Variants in NECTIN1 observed in about 807,000 individuals in gnomAD.
NECTIN1 encodes the protein nectin cell adhesion molecule 1, also known as nectin-1.
Under a neutral mutation model 48.0 loss-of-function variants are expected in NECTIN1, and 23 were observed. The observed-to-expected ratio is 0.48, with a 90% confidence interval of 0.34 to 0.68. The LOEUF (loss-of-function observed/expected upper bound fraction) is 0.68, where lower values mean the gene tolerates loss of function less well. Ranked by LOEUF, NECTIN1 falls within the 30% of genes least tolerant of loss-of-function variation. The probability of loss-of-function intolerance (pLI) is 0.01; values close to 1 mark genes in which losing one functional copy is unlikely to be tolerated. For synonymous variants in NECTIN1, 270 were observed against 288.9 expected (o/e 0.93, Z 0.66); for missense variants, 591 against 709.9 (o/e 0.83, Z 1.90).
chr11:119,712,733 G>A (rs1381937907), intron 1 of NECTIN1, among the ~76,000 whole-genome samples: 1 of 152,190 alleles, frequency 6.6e-6, no homozygotes, highest in Non-Finnish European at 1.5e-5. Context: ...TTTAACGGAA[G>A]CATCCCGGAG....
chr11:119,664,646 G>A lies in NECTIN1; in HGVS notation c.*101C>T, dbSNP rs952810710. 29 of 1,446,468 alleles carry A rather than the reference G, an allele frequency of 2.0e-5. No individual in the cohort carries two copies. The highest frequency in any genetic ancestry group is 2.5e-5 in the Non-Finnish European group (27 of 1,097,718). The allele number at this position is 1,446,468 out of a possible 1,614,324, so 89.6% of individuals were successfully genotyped here. On this transcript the variant is annotated 3_prime_UTR_variant, in exon 6 of 6. Transcript: ENST00000264025. ...GGGCTGGCTTTGGGCAGCTGGGCAA[G>A]TCTCTGTTCAGCTCCTGGAGTGGGA...
At chr11:119,721,151 A>T (rs778196496) in intron 1 of NECTIN1, among the ~76,000 whole-genome samples, 5 of 152,150 alleles carry the variant, frequency 3.3e-5, no homozygotes, top group Non-Finnish European at 7.4e-5. Context: ...CCCTGTCCCC[A>T]AGGGCCTTCC....
chr11:119,676,015 A>G (rs1252148559), intron 4 of NECTIN1, among the ~76,000 whole-genome samples: 1 of 151,494 alleles, frequency 6.6e-6, no homozygotes, highest in Non-Finnish European at 1.5e-5. Flanking sequence ...CAAAGAAAAA[A>G]AAAAAAATAA....
chr11:119,650,069 T>G (rs1864466585), intron 5 of NECTIN1, among the ~76,000 whole-genome samples: 1 of 149,746 alleles, frequency 6.7e-6, no homozygotes, highest in South Asian at 2.1e-4. Flanking sequence ...AAAGGGGGGT[T>G]GTTATCTGGC....
chr11:119,680,788 C>T (rs1533051), intron 1 of NECTIN1, among the ~76,000 whole-genome samples: 52,241 of 152,164 alleles, frequency 0.34, 9,757 homozygotes, highest in East Asian at 0.48. Flanking sequence ...CTATCCCCAC[C>T]CTCACTCCTC....
chr11:119,698,438 G>A (rs1865380657), intron 1 of NECTIN1, among the ~76,000 whole-genome samples: 1 of 152,240 alleles, frequency 6.6e-6, no homozygotes, highest in African/African-American at 2.4e-5. Context: ...CTGAGTAGTG[G>A]AGAAGTTCTT....
downstream of NECTIN1, chr11:119,660,877 G>T: frequency 2.0e-6 from 1 of 493,422 alleles, no homozygotes; most frequent in Non-Finnish European, 2.6e-6. Context: ...CCTGGAACCT[G>T]GACATGGGGT....
chr11:119,671,691 G>T (rs1864863605), intron 5 of NECTIN1, among the ~76,000 whole-genome samples: 1 of 152,194 alleles, frequency 6.6e-6, no homozygotes, highest in South Asian at 2.1e-4. Context: ...AGTGCAGCCA[G>T]CCACAGGGAG....
At chr11:119,674,248 C>A in intron 5 of NECTIN1, 1 of 991,862 alleles carries the variant, frequency 1.0e-6, no homozygotes, top group Non-Finnish European at 1.3e-6. Context: ...TTTTAAGACA[C>A]TCGGTCACCC....
intron 1 of NECTIN1, among the ~76,000 whole-genome samples, chr11:119,725,885 C>A (rs756472393): frequency 6.6e-6 from 1 of 152,120 alleles, no homozygotes; most frequent in Non-Finnish European, 1.5e-5. Flanking sequence ...TCCTCTGCCT[C>A]CTCCTAGGGC....
At chr11:119,703,260 C>T (rs756245778) in intron 1 of NECTIN1, among the ~76,000 whole-genome samples, 5 of 152,214 alleles carry the variant, frequency 3.3e-5, no homozygotes, top group South Asian at 2.1e-4. Flanking sequence ...GATCTGACCA[C>T]GAGTTTCTTC....
chr11:119,661,160 A>G lies in NECTIN1; in HGVS notation c.*3587T>C. On this transcript the variant is annotated 3_prime_UTR_variant, in exon 6 of 6. Coordinates refer to ENST00000264025, the MANE Select transcript of NECTIN1 (RefSeq NM_002855.5). ...CTGGACCAAAGGCGGAAAGGGCGACAAGACGCCGAAGCAAGGTAGCGCATC... is the reference window on the plus strand; with the variant it reads ...CTGGACCAAAGGCGGAAAGGGCGACGAGACGCCGAAGCAAGGTAGCGCATC... The G allele has an allele frequency of 1.0e-6, 1 of 985,864 alleles. No homozygotes were observed. Among genetic ancestry groups the G allele is most frequent in the South Asian group, 4.7e-5 (1 of 21,294 alleles). The allele number at this position is 985,864 out of a possible 1,614,324, so 61.1% of individuals were successfully genotyped here. A position where few individuals can be genotyped will look rare whatever the true frequency, so the allele number is the denominator to read the frequency against.
In NECTIN1 at chr11:119,665,218, C is replaced by T. The variant is rs997904600; in HGVS notation, c.1083G>A (p.Ala361=). 11 of 1,604,714 alleles carry T rather than the reference C, an allele frequency of 6.9e-6. No homozygotes were observed. Among genetic ancestry groups the T allele is most frequent in the East Asian group, 2.2e-5 (1 of 44,860 alleles). The change falls in exon 6 of 6, where the codon GCG becomes GCA. Residue 361 remains alanine, a synonymous_variant. Coordinates refer to ENST00000264025, the MANE Select transcript of NECTIN1 (RefSeq NM_002855.5). The surrounding 1 kb of genome is among the most constrained non-coding windows in gnomAD (Gnocchi z 5.1). ...PVPTAIIGGV[A]GSILLVLIVV... Reference sequence around the variant, plus strand: ...CAATCAACACCAGCAGGATGCTCCCCGCCACGCCCCCAATGATGGCCGTGG... The same window carrying T: ...CAATCAACACCAGCAGGATGCTCCCTGCCACGCCCCCAATGATGGCCGTGG...
intron 1 of NECTIN1, among the ~76,000 whole-genome samples, chr11:119,710,367 T>C (rs1474693823): frequency 6.6e-6 from 1 of 152,222 alleles, no homozygotes; most frequent in African/African-American, 2.4e-5. Context: ...TCTCATTTAT[T>C]TAATAAACAA....
rs558981889 is a variant in NECTIN1 at position 119,714,315 on chromosome 11, A to AT, written c.79+14159dup. Among the ~76,000 whole-genome samples, 420 of 152,266 alleles carry AT rather than the reference A, an allele frequency of 2.8e-3. 1 individual carries two copies. Among genetic ancestry groups the AT allele is most frequent in the African/African-American group, 9.7e-3 (404 of 41,546 alleles). On this transcript the variant is annotated intron_variant, in intron 1 of 5. Transcript: ENST00000264025. ...AAAGCGGGGTGCCTCACCCTGACAC[A>AT]TGCTGTGGCTCGCCCTCCCAGGGCC...
In NECTIN1 at chr11:119,664,193, C is replaced by G. The variant is rs369160682; in HGVS notation, c.*554G>C. On this transcript the variant is annotated 3_prime_UTR_variant, in exon 6 of 6. Coordinates refer to ENST00000264025, the MANE Select transcript of NECTIN1 (RefSeq NM_002855.5). ...GGAACTGGGGAGAAGCCGCACCCCTCCCCCTACCTCTTGGGCGCACCAGCT... is the reference window on the plus strand; with the variant it reads ...GGAACTGGGGAGAAGCCGCACCCCTGCCCCTACCTCTTGGGCGCACCAGCT... 6.1e-6 allele frequency: 6 copies of G among 986,942 alleles called. No individual in the cohort carries two copies. The Admixed American group carries it at 2.4e-4, about 40-fold the overall frequency. 61.1% of individuals were successfully genotyped at this position (986,942 alleles called of 1,614,324 possible).
Position 119,662,671 on chromosome 11 carries a change from AGTGTTGTAAG to A in NECTIN1, c.*2066_*2075del, listed in dbSNP as rs1864688316. The A allele has an allele frequency of 1.0e-6, 1 of 985,342 alleles. No individual in the cohort carries two copies. Among genetic ancestry groups the A allele is most frequent in the African/African-American group, 1.8e-5 (1 of 57,040 alleles). The allele number at this position is 985,342 out of a possible 1,614,324, so 61.0% of individuals were successfully genotyped here. A position where few individuals can be genotyped will look rare whatever the true frequency, so the allele number is the denominator to read the frequency against. ...AAAGGGGACCAAGCAGAGGGGCCAG[AGTGTTGTAAG>A]GTGGGATGGGGCAGTGATGTAATGT... On this transcript the variant is annotated 3_prime_UTR_variant, in exon 6 of 6. Coordinates refer to ENST00000264025, the MANE Select transcript of NECTIN1 (RefSeq NM_002855.5). The surrounding 1 kb of genome is among the most constrained non-coding windows in gnomAD (Gnocchi z 5.3).
At chr11:119,715,730 G>A (rs781061853) in intron 1 of NECTIN1, among the ~76,000 whole-genome samples, 1 of 152,056 alleles carries the variant, frequency 6.6e-6, no homozygotes, top group African/African-American at 2.4e-5. Flanking sequence ...GTCCCTTCAC[G>A]TCCAAACAGG....
intron 7 of NECTIN1, chr11:119,638,595 G>C: frequency 2.4e-6 from 2 of 848,506 alleles, no homozygotes; most frequent in Non-Finnish European, 3.9e-6. Flanking sequence ...CTCTAGCATG[G>C]ACCTGGCCTT....
Sources: allele counts gnomAD v4.1 joint callset (sites outside exome capture counted in the v4.1 genomes callset), GRCh38; gene constraint gnomAD v4.1.1; non-coding constraint Gnocchi (gnomAD v3.1); transcripts MANE v1.5; gene names NCBI Gene and HGNC (gene_info 2026-07-23, HGNC 2026-07-21).